Variants in SYN3 observed in about 807,000 individuals in gnomAD.
The protein encoded by SYN3 is synapsin III, also known as synapsin-3.
In SYN3, 35 loss-of-function variants were observed where a neutral mutation model predicts 65.8. The observed-to-expected ratio is 0.53, with a 90% confidence interval of 0.41 to 0.70. The LOEUF (loss-of-function observed/expected upper bound fraction) is 0.70. Ranked by LOEUF, SYN3 falls within the 30% of genes least tolerant of loss-of-function variation. The pLI is 0.00. For synonymous variants in SYN3, 270 were observed against 292.9 expected, an observed-to-expected ratio of 0.92 and a Z score of 0.80; for missense variants, 680 against 749.0, an observed-to-expected ratio of 0.91 and a Z score of 1.08.
At chr22:32,688,345 A>G (rs967197474) in intron 6 of SYN3, among the ~76,000 whole-genome samples, 1 of 152,082 alleles carries the variant, frequency 6.6e-6, no homozygotes, top group Non-Finnish European at 1.5e-5. Flanking sequence ...GTGAACAGTT[A>G]CTTCTGCTAC....
chr22:32,962,897 A>C (rs991736640), intron 3 of SYN3, among the ~76,000 whole-genome samples: 5 of 151,102 alleles, frequency 3.3e-5, no homozygotes, highest in African/African-American at 1.2e-4. Flanking sequence ...CTCTCTATAT[A>C]TATATAAATA....
chr22:33,009,620 A>G (rs2053296697), intron 1 of SYN3, among the ~76,000 whole-genome samples: 1 of 152,072 alleles, frequency 6.6e-6, no homozygotes, highest in Non-Finnish European at 1.5e-5. Context: ...ACAACTCTTA[A>G]AAAAGTGAAT....
chr22:32,738,187 G>T (rs1261344020), intron 6 of SYN3, among the ~76,000 whole-genome samples: 1 of 152,160 alleles, frequency 6.6e-6, no homozygotes, highest in East Asian at 1.9e-4. Flanking sequence ...TATCAGATGT[G>T]TGGTTTCAAG....
intron 2 of SYN3, among the ~76,000 whole-genome samples, chr22:32,992,537 G>A (rs1302227619): frequency 6.6e-6 from 1 of 152,170 alleles, no homozygotes; most frequent in Admixed American, 6.5e-5. Context: ...TCTCTGCCAG[G>A]CGTGGTGGCT....
intron 7 of SYN3, among the ~76,000 whole-genome samples, chr22:32,572,244 T>TCCTTCCTTCCTTCCTTCCTTCCTTCCTTC (rs2058769214): frequency 9.0e-6 from 1 of 111,652 alleles, no homozygotes; most frequent in South Asian, 3.3e-4. Flanking sequence ...AGATTCTGGC[T>TCCTTCCTTCCTTCCTTCCTTCCTTCCTTC]CCTTCCTTCC....
intron 6 of SYN3, chr22:32,859,710 A>C: frequency 3.2e-6 from 1 of 309,772 alleles, no homozygotes; most frequent in Non-Finnish European, 6.0e-6. Context: ...AAACTACTCC[A>C]TTTGAGGATT....
At position 32,510,993 on chromosome 22, in the gene SYN3, G is replaced by C. The variant is rs1601529032; in HGVS notation, c.*2699C>G. 6.9e-6 allele frequency among the ~76,000 whole-genome samples: 1 copy of C among 145,150 alleles called. No individual in the cohort carries two copies. The highest frequency in any genetic ancestry group is 1.6e-5 in the Non-Finnish European group (1 of 63,864). On this transcript the variant is annotated 3_prime_UTR_variant, in exon 14 of 14. Transcript: ENST00000358763. ...CAAGTTATTGTCCAGGCGTGTGTGT[G>C]TGTGTGTGTGTGTGTGTGTGTGTAA... is the stretch of plus-strand genomic sequence containing the variant.
At chr22:32,523,547 G>A (rs2057925420) in intron 12 of SYN3, among the ~76,000 whole-genome samples, 1 of 152,082 alleles carries the variant, frequency 6.6e-6, no homozygotes, top group Non-Finnish European at 1.5e-5. Flanking sequence ...AAAAAAGACA[G>A]TGAACTTACT....
At chr22:32,995,033 A>G (rs2052837865) in intron 2 of SYN3, among the ~76,000 whole-genome samples, 1 of 152,146 alleles carries the variant, frequency 6.6e-6, no homozygotes, top group East Asian at 1.9e-4. Context: ...CCAAGGTCAC[A>G]TAACTGAGAA....
At chr22:32,873,570 C>T (rs901779946) in intron 4 of SYN3, among the ~76,000 whole-genome samples, 4 of 152,084 alleles carry the variant, frequency 2.6e-5, no homozygotes, top group Non-Finnish European at 2.9e-5. Flanking sequence ...AGAGCCCATG[C>T]GGAAATCCTC....
intron 6 of SYN3, among the ~76,000 whole-genome samples, chr22:32,601,665 G>C (rs902258241): frequency 6.6e-6 from 1 of 152,194 alleles, no homozygotes; most frequent in African/African-American, 2.4e-5. Flanking sequence ...CTAGTGCTGG[G>C]GACACAGAAG....
intron 6 of SYN3, among the ~76,000 whole-genome samples, chr22:32,600,900 T>G (rs2059272430): frequency 6.6e-6 from 1 of 152,160 alleles, no homozygotes; most frequent in South Asian, 2.1e-4. Flanking sequence ...TTGGCCAGGC[T>G]GGTCCCGAAC....
chr22:32,978,956 A>G (rs936622961), intron 3 of SYN3, among the ~76,000 whole-genome samples: 4 of 152,202 alleles, frequency 2.6e-5, no homozygotes, highest in Admixed American at 6.5e-5. Flanking sequence ...AGGCAGGTAG[A>G]TCATTTGAGG....
intron 6 of SYN3, among the ~76,000 whole-genome samples, chr22:32,702,290 A>T (rs1022762866): frequency 1.3e-5 from 2 of 152,176 alleles, no homozygotes; most frequent in Non-Finnish European, 2.9e-5. Flanking sequence ...ATCCTGCCTA[A>T]CATGGTAAAA....
At chr22:32,789,340 G>C (rs2046268205) in intron 6 of SYN3, among the ~76,000 whole-genome samples, 1 of 152,008 alleles carries the variant, frequency 6.6e-6, no homozygotes, top group Non-Finnish European at 1.5e-5. Flanking sequence ...CTAAATACTT[G>C]AGGCAAAAAG....
At chr22:33,049,680 A>G (rs1341797602) in intron 1 of SYN3, among the ~76,000 whole-genome samples, 2 of 152,192 alleles carry the variant, frequency 1.3e-5, no homozygotes, top group Non-Finnish European at 2.9e-5. Context: ...CGGGAAGACA[A>G]AGAACAAAAA....
At chr22:33,025,267 A>G (rs1036950604) in intron 1 of SYN3, among the ~76,000 whole-genome samples, 1 of 151,840 alleles carries the variant, frequency 6.6e-6, no homozygotes, top group East Asian at 1.9e-4. Context: ...CAGCCTGGCC[A>G]ATATGGTAAA....
intron 13 of SYN3, among the ~76,000 whole-genome samples, chr22:32,516,771 C>G (rs1454139628): frequency 2.7e-5 from 4 of 150,430 alleles, no homozygotes; most frequent in African/African-American, 9.8e-5. Context: ...CCCAGCTCTT[C>G]TAGTTATTAA....
chr22:32,760,857 G>A (rs760439509), intron 6 of SYN3, among the ~76,000 whole-genome samples: 2 of 152,230 alleles, frequency 1.3e-5, no homozygotes, highest in Non-Finnish European at 2.9e-5. Flanking sequence ...ATTTGAGAGT[G>A]AGATGCTTTA....
Sources: allele counts gnomAD v4.1 joint callset (sites outside exome capture counted in the v4.1 genomes callset), GRCh38; gene constraint gnomAD v4.1.1; transcripts MANE v1.5; gene names NCBI Gene and HGNC (gene_info 2026-07-23, HGNC 2026-07-21).